INTS15: variants seen among roughly 807,000 people sequenced by gnomAD.
The protein encoded by INTS15 is integrator complex subunit 15, also known as uncharacterized protein C7orf26.
chr7:6,598,868 C>A, the INTS15 span, among the ~76,000 whole-genome samples: 24 of 150,566 alleles, frequency 1.6e-4, no homozygotes, highest in African/African-American at 5.9e-4. Flanking sequence ...CTGACTGCAA[C>A]CTTCACCTCC....
At chr7:6,596,373 AC>A in the INTS15 span, among the ~76,000 whole-genome samples, 10 of 74,150 alleles carry the variant, frequency 1.3e-4, no homozygotes, top group African/African-American at 4.0e-4. Flanking sequence ...TTTATCTGTC[AC>A]CCTTTTTTTT....
At chr7:6,590,320 G>T in the INTS15 span, 10 of 1,591,180 alleles carry the variant, frequency 6.3e-6, no homozygotes, top group African/African-American at 1.4e-5. Flanking sequence ...GCGCCGCGAT[G>T]CGCTGAGCGC....
chr7:6,592,299 T>G, the INTS15 span, among the ~76,000 whole-genome samples: 1 of 151,726 alleles, frequency 6.6e-6, no homozygotes, highest in Non-Finnish European at 1.5e-5. Flanking sequence ...TGCTTAGTGG[T>G]TCACTCCTGT....
chr7:6,596,891 C>A, the INTS15 span, among the ~76,000 whole-genome samples: 1 of 151,748 alleles, frequency 6.6e-6, no homozygotes, highest in East Asian at 2.0e-4. Flanking sequence ...TCAAGCGATT[C>A]TCCTGCCTCA....
the INTS15 span, chr7:6,608,677 G>A: frequency 3.9e-6 from 1 of 256,486 alleles, no homozygotes; most frequent in Non-Finnish European, 6.1e-6. Context: ...TTTTATTGGG[G>A]GTGTCTAAAT....
At chr7:6,592,670 G>A in the INTS15 span, among the ~76,000 whole-genome samples, 1 of 149,756 alleles carries the variant, frequency 6.7e-6, no homozygotes, top group African/African-American at 2.5e-5. Context: ...GTGCAGTGGT[G>A]CAATCTTAGC....
the INTS15 span, among the ~76,000 whole-genome samples, chr7:6,604,130 C>T: frequency 6.6e-6 from 1 of 152,138 alleles, no homozygotes; most frequent in African/African-American, 2.4e-5. Flanking sequence ...GGCTGGAGTG[C>T]AGTGGCACGA....
chr7:6,592,733 C>T, the INTS15 span, among the ~76,000 whole-genome samples: 1 of 151,548 alleles, frequency 6.6e-6, no homozygotes, highest in Non-Finnish European at 1.5e-5. Context: ...CTCAGCCCTC[C>T]AAGTAGCTGG....
chr7:6,594,873 G>A, the INTS15 span, among the ~76,000 whole-genome samples: 22 of 150,474 alleles, frequency 1.5e-4, no homozygotes, highest in African/African-American at 1.2e-4. Context: ...GCAGGCATGC[G>A]CCACTACTCC....
At chr7:6,591,932 G>A in the INTS15 span, 3 of 1,490,872 alleles carry the variant, frequency 2.0e-6, no homozygotes, top group African/African-American at 4.1e-5. Context: ...AGCACTTTGG[G>A]AAGCTGAGGT....
chr7:6,598,150 A>G, the INTS15 span, among the ~76,000 whole-genome samples: 1 of 152,080 alleles, frequency 6.6e-6, no homozygotes. Context: ...TGTTGCCCAA[A>G]CAGAAACATC....
chr7:6,598,469 A>C, the INTS15 span, among the ~76,000 whole-genome samples: 1 of 3,510 alleles, frequency 2.8e-4, no homozygotes, highest in East Asian at 8.8e-4. Flanking sequence ...ACTCCATCTC[A>C]AAAAAAAAAA....
the INTS15 span, chr7:6,599,964 C>T: frequency 3.7e-6 from 6 of 1,614,194 alleles, no homozygotes; most frequent in East Asian, 4.5e-5. Flanking sequence ...GAGCTCACCC[C>T]GCTCGTTGGA....
chr7:6,602,859 C>T, the INTS15 span: 2 of 413,172 alleles, frequency 4.8e-6, no homozygotes, highest in Admixed American at 5.6e-5. Flanking sequence ...CTGAAGTCCT[C>T]ATGTGTAAAA....
the INTS15 span, chr7:6,600,411 A>G: frequency 6.6e-7 from 1 of 1,523,846 alleles, no homozygotes; most frequent in Non-Finnish European, 8.8e-7. Flanking sequence ...CGCCCTGCAG[A>G]AGGAAGGAGG....
the INTS15 span, among the ~76,000 whole-genome samples, chr7:6,593,343 T>C: frequency 1.3e-5 from 2 of 151,078 alleles, no homozygotes; most frequent in African/African-American, 4.9e-5. Context: ...TTTTTTTTTT[T>C]TTTTTGAGGC....
the INTS15 span, among the ~76,000 whole-genome samples, chr7:6,606,220 G>A: frequency 6.6e-6 from 1 of 152,192 alleles, no homozygotes; most frequent in African/African-American, 2.4e-5. Flanking sequence ...CAGAAAGAAA[G>A]GGGGCTCAGA....
the INTS15 span, chr7:6,602,143 A>G: frequency 6.2e-7 from 1 of 1,612,828 alleles, no homozygotes; most frequent in Non-Finnish European, 8.5e-7. Flanking sequence ...CATAATAAGT[A>G]AGTATCCTCA....
At chr7:6,590,329 G>A in the INTS15 span, 1 of 1,594,514 alleles carries the variant, frequency 6.3e-7, no homozygotes, top group Non-Finnish European at 8.5e-7. Flanking sequence ...TGCGCTGAGC[G>A]CCGCCAAGGA....
Sources: gnomAD v4.1 joint callset for allele counts (sites outside exome capture counted in the v4.1 genomes callset) on GRCh38, gnomAD v4.1.1 for gene constraint, MANE v1.5 for transcripts, NCBI Gene and HGNC (gene_info 2026-07-23, HGNC 2026-07-21) for gene names.